DNA2: variants seen among roughly 807,000 people sequenced by gnomAD.
DNA2 encodes DNA replication ATP-dependent helicase/nuclease DNA2.
In DNA2, 101 loss-of-function variants were observed where a neutral mutation model predicts 119.1. The observed-to-expected ratio is 0.85, with a 90% CI of 0.72 to 1.00. The LOEUF (loss-of-function observed/expected upper bound fraction) is 1.00, where lower values mean the gene tolerates loss of function less well. Among genes scored for constraint, DNA2 ranks in the 50% least tolerant of loss-of-function variants. DNA2 has a pLI of 0.00. For missense variants in DNA2, 1,121 were observed against 1,255.5 expected, an observed-to-expected ratio of 0.89 and a Z score of 1.62; for synonymous variants, 366 against 424.4, an observed-to-expected ratio of 0.86 and a Z score of 1.69.
At chr10:68,438,956 C>T (rs1400350182) in intron 9 of DNA2, among the ~76,000 whole-genome samples, 9 of 147,094 alleles carry the variant, frequency 6.1e-5, no homozygotes. Context: ...TCACTTGAAC[C>T]CGGGAGGTGG....
At chr10:68,452,468 T>C (rs1321628563) in intron 5 of DNA2, among the ~76,000 whole-genome samples, 1 of 152,174 alleles carries the variant, frequency 6.6e-6, no homozygotes, top group Non-Finnish European at 1.5e-5. Flanking sequence ...AAACTTATTA[T>C]TTATGAAATG....
At chr10:68,468,089 C>A in intron 3 of DNA2, 34 bp downstream of exon 3, 1 of 1,457,556 alleles carries the variant, frequency 6.9e-7, no homozygotes. Context: ...AACTCTCAGA[C>A]CCTGCAGAAA....
chr10:68,415,158 T>C, intron 20 of DNA2, 51 bp from the exon 21 acceptor site: 3 of 1,123,258 alleles, frequency 2.7e-6, no homozygotes, highest in Non-Finnish European at 3.9e-6. Flanking sequence ...ATGGCATAAA[T>C]TTATGACATT....
At position 68,437,113 on chromosome 10, in the gene DNA2, C is replaced by T. The variant is rs773305364; in HGVS notation, c.1544G>A (p.Gly515Asp). The T allele has an allele frequency of 6.2e-7, 1 of 1,613,950 alleles. No individual in the cohort carries two copies. Among genetic ancestry groups the T allele is most frequent in the Non-Finnish European group, 8.5e-7 (1 of 1,179,882 alleles). ...TTCTCCACTTACAATAACTCTGTCA[C>T]CTGCCATTAGATTTGTGACAGGTAT... ...GAIPVTNLMA[G>D]DRVIVSGEER... The change falls in exon 10 of 21, where the codon GGT becomes GAT. Residue 515 changes from glycine (G) to aspartate (D), a missense_variant. By Grantham distance (94) the Gly-to-Asp change is moderately conservative. Transcript: ENST00000358410.
intron 9 of DNA2, among the ~76,000 whole-genome samples, chr10:68,439,044 A>AAAG (rs2051930514): frequency 6.6e-6 from 1 of 151,812 alleles, no homozygotes; most frequent in Non-Finnish European, 1.5e-5. Flanking sequence ...AAAAAAAAAA[A>AAAG]AAAAATTCAT....
chr10:68,444,874 G>A, intron 8 of DNA2, 47 bp downstream of exon 8: 2 of 1,460,564 alleles, frequency 1.4e-6, no homozygotes, highest in Non-Finnish European at 1.9e-6. Flanking sequence ...GTATTTAGTT[G>A]AGTTCATACT....
intron 5 of DNA2, among the ~76,000 whole-genome samples, chr10:68,450,826 T>G (rs1472053976): frequency 3.3e-5 from 5 of 152,120 alleles, no homozygotes; most frequent in Admixed American, 3.3e-4. Flanking sequence ...ATTACACTGA[T>G]TAAGAATGAG....
At chr10:68,416,980 ATGCC>A in intron 19 of DNA2, 125 bp from the exon 20 acceptor site, 1 of 783,982 alleles carries the variant, frequency 1.3e-6, no homozygotes. Flanking sequence ...GTAGTGGCTC[ATGCC>A]TGTAATCCCA....
At chr10:68,461,705 G>A (rs997147384) in intron 4 of DNA2, among the ~76,000 whole-genome samples, 7 of 151,952 alleles carry the variant, frequency 4.6e-5, no homozygotes, top group African/African-American at 9.6e-5. Context: ...GTGCATGCCT[G>A]TAATCCCAGC....
chr10:68,415,198 AG>A, intron 20 of DNA2, 91 bp from the exon 21 acceptor site: 4 of 733,968 alleles, frequency 5.4e-6, no homozygotes, highest in Admixed American at 5.7e-5. Flanking sequence ...TTTGACTTAC[AG>A]GACCACAAAA....
chr10:68,432,153 T>C (rs2051830845), intron 12 of DNA2, 53 bp downstream of exon 12: 1 of 1,321,144 alleles, frequency 7.6e-7, no homozygotes, highest in Non-Finnish European at 1.1e-6. Flanking sequence ...ACAGTATAAA[T>C]CAAATAGAAA....
chr10:68,457,247 T>C (rs1402633379), intron 5 of DNA2, among the ~76,000 whole-genome samples: 1 of 152,126 alleles, frequency 6.6e-6, no homozygotes, highest in Non-Finnish European at 1.5e-5. Flanking sequence ...CTACTGCTGC[T>C]CTTCTCCTAC....
chr10:68,449,993 T>G (rs779711599), intron 6 of DNA2, 35 bp downstream of exon 6: 38 of 1,305,834 alleles, frequency 2.9e-5, no homozygotes, highest in Middle Eastern at 2.6e-4. Context: ...AAAAAAAAAG[T>G]ATAAAACAGA....
intron 4 of DNA2, among the ~76,000 whole-genome samples, chr10:68,462,995 G>A (rs2052278719): frequency 6.6e-6 from 1 of 151,952 alleles, no homozygotes; most frequent in Non-Finnish European, 1.5e-5. Flanking sequence ...AGCCGGCCAT[G>A]GTGGCACACG....
At chr10:68,451,661 A>G (rs2052119546) in intron 5 of DNA2, among the ~76,000 whole-genome samples, 1 of 152,236 alleles carries the variant, frequency 6.6e-6, no homozygotes, top group Non-Finnish European at 1.5e-5. Context: ...TAAAAATAGA[A>G]TAATTCTAGT....
chr10:68,439,625 G>T (rs1034079402), intron 9 of DNA2, among the ~76,000 whole-genome samples: 1 of 151,782 alleles, frequency 6.6e-6, no homozygotes, highest in Non-Finnish European at 1.5e-5. Flanking sequence ...ATCATCTGAG[G>T]TTGGGAGTTC....
chr10:68,419,501 C>T, intron 18 of DNA2: 8 of 513,084 alleles, frequency 1.6e-5, no homozygotes, highest in Non-Finnish European at 2.1e-5. Context: ...CAAAGAAATA[C>T]ATTTCACCTT....
chr10:68,439,461 G>A (rs2051937462), intron 9 of DNA2, among the ~76,000 whole-genome samples: 1 of 152,098 alleles, frequency 6.6e-6, no homozygotes, highest in Non-Finnish European at 1.5e-5. Context: ...AGCACTCTGG[G>A]AGGCCAAGGC....
At chr10:68,469,267 C>T (rs535683598) in intron 2 of DNA2, among the ~76,000 whole-genome samples, 2 of 151,548 alleles carry the variant, frequency 1.3e-5, no homozygotes, top group South Asian at 2.1e-4. Flanking sequence ...CTGGGAAGGC[C>T]GGGCGCGGTG....
Sources: gnomAD v4.1 joint callset for allele counts (sites outside exome capture counted in the v4.1 genomes callset) on GRCh38, gnomAD v4.1.1 for gene constraint, MANE v1.5 for transcripts, NCBI Gene and HGNC (gene_info 2026-07-23, HGNC 2026-07-21) for gene names.